Variants in TMEM178A observed in about 807,000 individuals in gnomAD.
TMEM178A encodes transmembrane protein 178A.
TMEM178A carries 12 observed loss-of-function variants against 29.1 expected under a neutral mutation model. The observed-to-expected ratio is 0.41, with a 90% CI of 0.26 to 0.67. The LOEUF (loss-of-function observed/expected upper bound fraction) is 0.67. Ranked by LOEUF, TMEM178A falls within the 30% of genes least tolerant of loss-of-function variation. The pLI is 0.29. For synonymous variants in TMEM178A, 210 were observed against 187.2 expected, an observed-to-expected ratio of 1.12 and a Z score of -0.99; for missense variants, 366 against 419.1, an observed-to-expected ratio of 0.87 and a Z score of 1.11.
downstream of TMEM178A, among the ~76,000 whole-genome samples, chr2:39,721,806 C>A (rs562996746): frequency 2.0e-5 from 3 of 151,810 alleles, no homozygotes; most frequent in Admixed American, 2.0e-4. Flanking sequence ...CCAGGCTGGG[C>A]AAATAGAGCC....
chr2:39,727,780 C>G, the TMEM178A span, among the ~76,000 whole-genome samples: 3 of 143,880 alleles, frequency 2.1e-5, no homozygotes, highest in African/African-American at 7.9e-5. Flanking sequence ...AGTGATCTAA[C>G]TGTTCATTTC....
In TMEM178A at chr2:39,707,315, A is replaced by G. The variant is rs113310830; in HGVS notation, c.652+129A>G. On this transcript the variant is annotated intron_variant, in intron 3 of 3. Coordinates refer to ENST00000281961, the MANE Select transcript of TMEM178A (RefSeq NM_152390.3). ...CTGTTAGAAAAGCAACCAGAAGGTC[A>G]TTTTGGCTTTGCTGGAAAATACAGA... is the stretch of plus-strand genomic sequence containing the variant. 8.3e-5 allele frequency: 98 copies of G among 1,186,258 alleles called. 2 individuals are homozygous for G. In the African/African-American group the frequency reaches 1.1e-3, roughly 14 times the overall value. The allele number at this position is 1,186,258 out of a possible 1,614,324, so 73.5% of individuals were successfully genotyped here.
intron 2 of TMEM178A, among the ~76,000 whole-genome samples, chr2:39,705,400 A>G (rs1456135710): frequency 1.3e-5 from 2 of 152,220 alleles, no homozygotes; most frequent in South Asian, 4.1e-4. Context: ...CAGAAAATAG[A>G]CTATCACTCA....
At chr2:39,713,377 T>C (rs992339858) in intron 3 of TMEM178A, among the ~76,000 whole-genome samples, 2 of 152,122 alleles carry the variant, frequency 1.3e-5, no homozygotes, top group African/African-American at 4.8e-5. Flanking sequence ...CTCACATGTG[T>C]GTGGAATGTT....
At chr2:39,735,666 C>G in the TMEM178A span, among the ~76,000 whole-genome samples, 12 of 152,224 alleles carry the variant, frequency 7.9e-5, no homozygotes, top group Non-Finnish European at 1.5e-4. Flanking sequence ...GTTAACAACA[C>G]AACCACATTT....
At chr2:39,710,057 G>T (rs1672238316) in intron 3 of TMEM178A, among the ~76,000 whole-genome samples, 2 of 152,146 alleles carry the variant, frequency 1.3e-5, no homozygotes, top group African/African-American at 4.8e-5. Flanking sequence ...ACCTCTCCCT[G>T]TTCTCAGCCC....
intron 1 of TMEM178A, among the ~76,000 whole-genome samples, chr2:39,699,215 TG>T (rs1671679325): frequency 6.6e-6 from 1 of 150,760 alleles, no homozygotes; most frequent in African/African-American, 2.4e-5. Flanking sequence ...TCAGTAGAGA[TG>T]GGGTTTTCCT....
chr2:39,711,925 G>A (rs1042865404), intron 3 of TMEM178A, among the ~76,000 whole-genome samples: 5 of 152,070 alleles, frequency 3.3e-5, no homozygotes, highest in African/African-American at 1.2e-4. Context: ...CACACTAAAT[G>A]GGATCAATAA....
In TMEM178A at chr2:39,673,636, G is replaced by A. The variant is rs562111765; in HGVS notation, c.400+7262G>A. Among the ~76,000 whole-genome samples the A allele has an allele frequency of 2.6e-3, 398 of 152,300 alleles. 1 individual carries two copies. Among genetic ancestry groups the A allele is most frequent in the Non-Finnish European group, 4.9e-3 (334 of 68,032 alleles). On this transcript the variant is annotated intron_variant, in intron 1 of 3. Transcript: ENST00000281961. ...ACAGATAATTCCAGAAGGCTTAATTGTCTCTTTACAACAGGTCACTCAAAT... is the reference window on the plus strand; with the variant it reads ...ACAGATAATTCCAGAAGGCTTAATTATCTCTTTACAACAGGTCACTCAAAT...
Position 39,717,583 on chromosome 2 carries a change from C to T in TMEM178A, c.*332C>T, listed in dbSNP as rs754221243. ...AGAAAGTTTGTATGTAACAATTACC[C>T]GAGAGTCATTTCTACTTGCAAAAGG... On this transcript the variant is annotated 3_prime_UTR_variant, in exon 4 of 4. Transcript: ENST00000281961. 73 of 200,726 alleles carry T rather than the reference C, an allele frequency of 3.6e-4. No homozygotes were observed. The highest frequency in any genetic ancestry group is 6.2e-4 in the Non-Finnish European group (61 of 98,686). The allele number at this position is 200,726 out of a possible 1,614,324, so 12.4% of individuals were successfully genotyped here.
chr2:39,727,050 C>G, the TMEM178A span, among the ~76,000 whole-genome samples: 2 of 152,144 alleles, frequency 1.3e-5, no homozygotes, highest in African/African-American at 4.8e-5. Context: ...CATAATTTTT[C>G]TCTCAAATGT....
the TMEM178A span, among the ~76,000 whole-genome samples, chr2:39,730,872 T>C: frequency 6.6e-6 from 1 of 152,214 alleles, no homozygotes; most frequent in African/African-American, 2.4e-5. Flanking sequence ...CTCTTTATTC[T>C]GACTATGGGA....
In TMEM178A at chr2:39,666,220, G is replaced by A. The variant is rs1290620503; in HGVS notation, c.246G>A (p.Pro82=). 2.2e-6 allele frequency: 3 copies of A among 1,349,230 alleles called. No individual in the cohort carries two copies. Among genetic ancestry groups the A allele is most frequent in the Admixed American group, 4.0e-5 (1 of 24,904 alleles). 83.6% of individuals were successfully genotyped at this position (1,349,230 alleles called of 1,614,324 possible). A position where few individuals can be genotyped will look rare whatever the true frequency, so the allele number is the denominator to read the frequency against. ...GGCGCCGGCTGCTCCCGGGCGGCCC[G>A]GGGCGCGCCGACCCCGAGTCCTGGC... The part of the protein sequence containing the change: ...PLGRRLLPGG[P]GRADPESWRS... The change falls in exon 1 of 4, where the codon CCG becomes CCA. Residue 82 remains proline (P), a synonymous_variant. Coordinates refer to ENST00000281961, the MANE Select transcript of TMEM178A (RefSeq NM_152390.3).
intron 1 of TMEM178A, among the ~76,000 whole-genome samples, chr2:39,676,240 A>G (rs1310297679): frequency 6.6e-6 from 1 of 152,262 alleles, no homozygotes. Context: ...AAAATGGCTT[A>G]GCCTACAAGG....
At chr2:39,723,194 C>A in the TMEM178A span, among the ~76,000 whole-genome samples, 1 of 152,196 alleles carries the variant, frequency 6.6e-6, no homozygotes, top group Non-Finnish European at 1.5e-5. Flanking sequence ...GAAACCTAGC[C>A]ACGCCTGAAC....
intron 3 of TMEM178A, among the ~76,000 whole-genome samples, chr2:39,708,629 G>A (rs1220501478): frequency 3.3e-5 from 5 of 151,474 alleles, no homozygotes; most frequent in African/African-American, 9.7e-5. Context: ...GTGTTAGCCA[G>A]GATGGTCTCG....
At chr2:39,692,555 T>C (rs905255453) in intron 1 of TMEM178A, among the ~76,000 whole-genome samples, 6 of 152,162 alleles carry the variant, frequency 3.9e-5, no homozygotes, top group Admixed American at 1.3e-4. Context: ...TTTTTTTTTC[T>C]CCTAAATGTT....
intron 1 of TMEM178A, among the ~76,000 whole-genome samples, chr2:39,691,301 A>G (rs1370877776): frequency 6.6e-6 from 1 of 152,216 alleles, no homozygotes; most frequent in Non-Finnish European, 1.5e-5. Context: ...AAAGACAAAG[A>G]GAATTTTGAA....
intron 1 of TMEM178A, among the ~76,000 whole-genome samples, chr2:39,675,517 G>A (rs1197092783): frequency 6.6e-6 from 1 of 151,938 alleles, no homozygotes; most frequent in Non-Finnish European, 1.5e-5. Flanking sequence ...CTTAACCACC[G>A]ATACAGATGA....
Sources: gnomAD v4.1 joint callset for allele counts (sites outside exome capture counted in the v4.1 genomes callset) on GRCh38, gnomAD v4.1.1 for gene constraint, MANE v1.5 for transcripts, NCBI Gene and HGNC (gene_info 2026-07-23, HGNC 2026-07-21) for gene names.